Variants in CADPS observed in about 807,000 individuals in gnomAD.
The protein encoded by CADPS is calcium dependent secretion activator.
CADPS carries 57 observed loss-of-function variants against 167.3 expected under a neutral mutation model. The observed-to-expected ratio is 0.34, with a 90% CI of 0.28 to 0.42. The LOEUF (loss-of-function observed/expected upper bound fraction) is 0.42. CADPS is among the 20% of genes least tolerant of loss of function. CADPS has a pLI of 1.00. For missense variants in CADPS, 1,414 were observed against 1,738.1 expected, an observed-to-expected ratio of 0.81 and a Z score of 3.32; for synonymous variants, 676 against 635.3, an observed-to-expected ratio of 1.06 and a Z score of -0.96.
Position 62,432,765 on chromosome 3 carries a change from C to A in CADPS, c.3777+5339G>T, listed in dbSNP as rs149429145. 4.5e-3 allele frequency among the ~76,000 whole-genome samples: 692 copies of A among 152,212 alleles called. 3 individuals are homozygous for A. Among genetic ancestry groups the A allele is most frequent in the Non-Finnish European group, 6.4e-3 (434 of 68,002 alleles). On this transcript the variant is annotated intron_variant, in intron 28 of 29. Transcript: ENST00000383710. ...AGCTGAGGCTCTTAGAGATTAAATGCCTTGTTCAAGGTCACCCAGCTAGTA... is the reference window on the plus strand; with the variant it reads ...AGCTGAGGCTCTTAGAGATTAAATGACTTGTTCAAGGTCACCCAGCTAGTA...
chr3:62,584,992 A>C (rs1040567546), intron 8 of CADPS, among the ~76,000 whole-genome samples, 193 bp downstream of exon 8: 7 of 152,266 alleles, frequency 4.6e-5, no homozygotes, highest in African/African-American at 1.7e-4. Flanking sequence ...CTATTTTGAC[A>C]GCAAAAATGC....
At chr3:62,407,887 C>T (rs1259513310) in intron 28 of CADPS, among the ~76,000 whole-genome samples, 2 of 152,116 alleles carry the variant, frequency 1.3e-5, no homozygotes, top group African/African-American at 4.8e-5. Context: ...GTACAAGCCA[C>T]CATGTCCGGC....
intron 17 of CADPS, among the ~76,000 whole-genome samples, chr3:62,507,895 CT>C (rs2066980968): frequency 6.6e-6 from 1 of 152,148 alleles, no homozygotes; most frequent in African/African-American, 2.4e-5. Context: ...GGCATTTGTG[CT>C]AACCGATTTA....
chr3:62,656,321 G>T (rs2071566401), intron 4 of CADPS, among the ~76,000 whole-genome samples: 1 of 152,100 alleles, frequency 6.6e-6, no homozygotes, highest in Non-Finnish European at 1.5e-5. Flanking sequence ...GACACTAGGT[G>T]AAAACTTTAC....
intron 6 of CADPS, among the ~76,000 whole-genome samples, chr3:62,637,028 T>C (rs1334456932): frequency 6.6e-6 from 1 of 152,148 alleles, no homozygotes; most frequent in Admixed American, 6.5e-5. Context: ...CTTTTTTCCT[T>C]CTATTTCTTA....
intron 1 of CADPS, among the ~76,000 whole-genome samples, chr3:62,781,611 T>A (rs748083045): frequency 2.0e-5 from 3 of 152,068 alleles, no homozygotes; most frequent in Non-Finnish European, 2.9e-5. Context: ...CAAGTTACGT[T>A]CTGTTGGGAG....
chr3:62,641,450 T>C (rs1278093722), intron 6 of CADPS, among the ~76,000 whole-genome samples: 1 of 152,158 alleles, frequency 6.6e-6, no homozygotes, highest in Non-Finnish European at 1.5e-5. Flanking sequence ...TTGAAATATA[T>C]CACCTTAGAG....
chr3:62,709,215 A>G (rs1369306523), intron 3 of CADPS, among the ~76,000 whole-genome samples: 1 of 152,066 alleles, frequency 6.6e-6, no homozygotes, highest in Non-Finnish European at 1.5e-5. Flanking sequence ...AACTTTCCTC[A>G]GGGTCAAGCA....
intron 1 of CADPS, among the ~76,000 whole-genome samples, chr3:62,768,384 A>G (rs2087512047): frequency 6.6e-6 from 1 of 152,156 alleles, no homozygotes; most frequent in Non-Finnish European, 1.5e-5. Context: ...ATGATGGGGC[A>G]GGAGAGGAAT....
intron 28 of CADPS, among the ~76,000 whole-genome samples, chr3:62,424,122 A>G (rs905496295): frequency 1.3e-5 from 2 of 152,160 alleles, no homozygotes; most frequent in Non-Finnish European, 2.9e-5. Flanking sequence ...AGAGGCACAG[A>G]GTATGGCAGA....
chr3:62,515,132 G>A (rs1253340724), intron 16 of CADPS, among the ~76,000 whole-genome samples: 1 of 152,106 alleles, frequency 6.6e-6, no homozygotes, highest in African/African-American at 2.4e-5. Flanking sequence ...TGAGTGATTG[G>A]TTAGTTTCTT....
At chr3:62,720,337 G>GTTCGT (rs2075520610) in intron 3 of CADPS, among the ~76,000 whole-genome samples, 1 of 137,736 alleles carries the variant, frequency 7.3e-6, no homozygotes, top group Non-Finnish European at 1.5e-5. Context: ...TTGTTTGTTT[G>GTTCGT]TTTGTTTTTT....
intron 6 of CADPS, among the ~76,000 whole-genome samples, chr3:62,624,842 G>A (rs1057464686): frequency 6.6e-6 from 1 of 152,100 alleles, no homozygotes; most frequent in African/African-American, 2.4e-5. Flanking sequence ...GCCCTGGCTT[G>A]GACCTCCAGG....
At chr3:62,600,674 G>A (rs1486274311) in intron 6 of CADPS, among the ~76,000 whole-genome samples, 1 of 152,190 alleles carries the variant, frequency 6.6e-6, no homozygotes, top group Non-Finnish European at 1.5e-5. Context: ...GCACTGCTAT[G>A]GATCCAAAGG....
chr3:62,654,197 A>G (rs568208905), intron 4 of CADPS, among the ~76,000 whole-genome samples: 1 of 152,298 alleles, frequency 6.6e-6, no homozygotes, highest in Admixed American at 6.5e-5. Context: ...CACTTGGAAA[A>G]CATTTACTGC....
chr3:62,723,550 T>C (rs965758544), intron 3 of CADPS, among the ~76,000 whole-genome samples: 1 of 152,092 alleles, frequency 6.6e-6, no homozygotes, highest in Non-Finnish European at 1.5e-5. Flanking sequence ...CTGGGAATAA[T>C]GTACTCAGAT....
intron 17 of CADPS, among the ~76,000 whole-genome samples, chr3:62,501,627 T>TAA (rs2065782036): frequency 6.6e-6 from 1 of 152,226 alleles, no homozygotes; most frequent in South Asian, 2.1e-4. Flanking sequence ...TCTCTTGCTT[T>TAA]AAAAATAGAG....
At chr3:62,710,063 G>T (rs1481301326) in intron 3 of CADPS, among the ~76,000 whole-genome samples, 2 of 152,016 alleles carry the variant, frequency 1.3e-5, no homozygotes, top group African/African-American at 4.8e-5. Flanking sequence ...CACCGTGCCT[G>T]GCCAGGTTCT....
intron 1 of CADPS, among the ~76,000 whole-genome samples, chr3:62,808,336 G>C (rs940843352): frequency 1.3e-5 from 2 of 152,108 alleles, no homozygotes; most frequent in Non-Finnish European, 2.9e-5. Flanking sequence ...GAGGTCAAGA[G>C]GCAGAGAATG....
Sources: gnomAD v4.1 joint callset for allele counts (sites outside exome capture counted in the v4.1 genomes callset) on GRCh38, gnomAD v4.1.1 for gene constraint, MANE v1.5 for transcripts, NCBI Gene and HGNC (gene_info 2026-07-23, HGNC 2026-07-21) for gene names.